Variants in TENM4 observed in about 807,000 individuals in gnomAD.
TENM4 encodes teneurin transmembrane protein 4, also known as teneurin-4.
A neutral mutation model predicts 243.3 loss-of-function variants in TENM4; 82 were observed. That is an observed-to-expected ratio of 0.34 (90% CI 0.28 to 0.40). The LOEUF is 0.40. TENM4 is among the 10% of genes least tolerant of loss of function. The pLI, the probability that TENM4 is intolerant of heterozygous loss-of-function variation, is 1.00. For synonymous variants in TENM4, 1,412 were observed against 1,456.3 expected (o/e 0.97, Z 0.69); for missense variants, 3,138 against 3,673.3 (o/e 0.85, Z 3.77).
At chr11:79,415,232 A>G (rs1261054883) in intron 1 of TENM4, among the ~76,000 whole-genome samples, 1 of 152,248 alleles carries the variant, frequency 6.6e-6, no homozygotes, top group Non-Finnish European at 1.5e-5. Flanking sequence ...CTGTGAAATT[A>G]AAGCATGTTT....
chr11:79,021,038 C>T (rs1374509854), intron 6 of TENM4, among the ~76,000 whole-genome samples: 1 of 152,222 alleles, frequency 6.6e-6, no homozygotes, highest in African/African-American at 2.4e-5. Flanking sequence ...CTTTGCATCC[C>T]TGCTGGGCCA....
chr11:79,343,469 C>CA (rs534071432), intron 1 of TENM4, among the ~76,000 whole-genome samples: 20 of 151,254 alleles, frequency 1.3e-4, no homozygotes, highest in East Asian at 3.9e-4. Context: ...ATGGGTATGA[C>CA]AAAAAAAATC....
chr11:79,002,253 T>C (rs1162327060), intron 6 of TENM4, among the ~76,000 whole-genome samples: 2 of 152,206 alleles, frequency 1.3e-5, no homozygotes, highest in Non-Finnish European at 2.9e-5. Flanking sequence ...CCAGTGCAAA[T>C]GCACACAGGA....
At chr11:78,997,323 A>T (rs1381054920) in intron 6 of TENM4, among the ~76,000 whole-genome samples, 1 of 152,208 alleles carries the variant, frequency 6.6e-6, no homozygotes, top group Non-Finnish European at 1.5e-5. Context: ...TCAGTCTCCA[A>T]AGTTTACATA....
chr11:79,148,695 A>C lies in TENM4; in HGVS notation c.-66+15T>G. 2.2e-6 allele frequency: 2 copies of C among 909,298 alleles called. No individual in the cohort carries two copies. The highest frequency in any genetic ancestry group is 2.6e-6 in the Non-Finnish European group (2 of 760,610). The allele number at this position is 909,298 out of a possible 1,614,324, so 56.3% of individuals were successfully genotyped here. On this transcript the variant is annotated intron_variant, in intron 4 of 33. Transcript: ENST00000278550. ...ATCATGAATACTCTCTGAAGTGTAA[A>C]AAAAATCAACTCACTTTTCTTTAAA...
chr11:78,976,571 A>G (rs2136602687), intron 6 of TENM4, among the ~76,000 whole-genome samples: 1 of 152,368 alleles, frequency 6.6e-6, no homozygotes, highest in South Asian at 2.1e-4. Context: ...AGATTTCTAT[A>G]AAGATTTGTG....
At chr11:78,872,748 T>A (rs191638492) in intron 9 of TENM4, among the ~76,000 whole-genome samples, 1 of 152,338 alleles carries the variant, frequency 6.6e-6, no homozygotes, top group South Asian at 2.1e-4. Flanking sequence ...TTTCCATAGC[T>A]ACAAGAAAAT....
Position 78,914,319 on chromosome 11 carries a change from A to G in TENM4, c.494-10796T>C, listed in dbSNP as rs554967895. Among the ~76,000 whole-genome samples, 17 of 152,334 alleles carry G rather than the reference A, an allele frequency of 1.1e-4. No individual in the cohort carries two copies. In the South Asian group the frequency reaches 3.5e-3, roughly 32 times the overall value. On this transcript the variant is annotated intron_variant, in intron 6 of 33. Coordinates refer to ENST00000278550, the MANE Select transcript of TENM4 (RefSeq NM_001098816.3). Reference sequence around the variant, plus strand: ...TCTTGGAAAGAAGGAAATAGCGAGAATACTACTGCTGCCTTCAAACTGCCA... The same window carrying G: ...TCTTGGAAAGAAGGAAATAGCGAGAGTACTACTGCTGCCTTCAAACTGCCA...
chr11:79,122,698 T>C (rs1861767558), intron 4 of TENM4, among the ~76,000 whole-genome samples: 1 of 152,156 alleles, frequency 6.6e-6, no homozygotes, highest in Non-Finnish European at 1.5e-5. Flanking sequence ...ACTGCCTCCA[T>C]GATCAGATCC....
intron 1 of TENM4, among the ~76,000 whole-genome samples, chr11:79,432,203 A>G (rs1181235990): frequency 6.6e-6 from 1 of 152,134 alleles, no homozygotes; most frequent in Non-Finnish European, 1.5e-5. Context: ...AATTCCACCT[A>G]CTTCTACCAC....
At chr11:79,019,707 A>G (rs1419779634) in intron 6 of TENM4, among the ~76,000 whole-genome samples, 5 of 152,220 alleles carry the variant, frequency 3.3e-5, no homozygotes, top group Non-Finnish European at 7.3e-5. Flanking sequence ...GGCAAATAAG[A>G]TGCCATCATT....
In TENM4 at chr11:79,170,345, C is replaced by T. The variant is rs575549244; in HGVS notation, c.-162-21539G>A. On this transcript the variant is annotated intron_variant, in intron 3 of 33. Coordinates refer to ENST00000278550, the MANE Select transcript of TENM4 (RefSeq NM_001098816.3). ...GCAGTAACCACAGCAGTGGATTGAA[C>T]AATAACAGAGACTTTCCATACTTGA... 1.9e-3 allele frequency among the ~76,000 whole-genome samples: 287 copies of T among 152,284 alleles called. 1 individual carries two copies. The highest frequency in any genetic ancestry group is 5.7e-3 in the African/African-American group (236 of 41,556).
intron 4 of TENM4, among the ~76,000 whole-genome samples, chr11:79,126,285 A>G (rs1233517716): frequency 6.6e-6 from 1 of 152,204 alleles, no homozygotes; most frequent in Admixed American, 6.5e-5. Context: ...TTCAAAAGAT[A>G]TACCCTTGAC....
At chr11:79,341,372 C>T (rs1396158550) in intron 1 of TENM4, among the ~76,000 whole-genome samples, 2 of 152,184 alleles carry the variant, frequency 1.3e-5, no homozygotes, top group East Asian at 1.9e-4. Context: ...ATCCAGTGCC[C>T]TCCACGTGCC....
intron 18 of TENM4, among the ~76,000 whole-genome samples, chr11:78,760,770 A>G (rs1184695348): frequency 6.6e-6 from 1 of 152,246 alleles, no homozygotes; most frequent in African/African-American, 2.4e-5. Flanking sequence ...AGGATCTTCT[A>G]GCTTTCATGT....
intron 1 of TENM4, among the ~76,000 whole-genome samples, chr11:79,386,187 C>T (rs7120580): frequency 7.7e-4 from 117 of 152,024 alleles, no homozygotes; most frequent in Middle Eastern, 3.4e-3. Context: ...TTACAATAGA[C>T]GTTGTTAGGT....
chr11:78,926,754 G>A (rs989940753), intron 6 of TENM4, among the ~76,000 whole-genome samples: 9 of 151,416 alleles, frequency 5.9e-5, no homozygotes, highest in Admixed American at 2.6e-4. Context: ...TTTGAAAAAG[G>A]ACACAGTAAA....
intron 1 of TENM4, among the ~76,000 whole-genome samples, chr11:79,409,570 G>C (rs189328138): frequency 1.3e-5 from 2 of 152,226 alleles, no homozygotes; most frequent in South Asian, 2.1e-4. Flanking sequence ...TAGCCCCCCC[G>C]GAACCATTCT....
chr11:78,698,768 T>C (rs1859034264), intron 28 of TENM4, among the ~76,000 whole-genome samples: 1 of 152,238 alleles, frequency 6.6e-6, no homozygotes, highest in Non-Finnish European at 1.5e-5. Flanking sequence ...TGGTTGAGAC[T>C]TGGGTCTGGA....
Sources: allele counts gnomAD v4.1 joint callset (sites outside exome capture counted in the v4.1 genomes callset), GRCh38; gene constraint gnomAD v4.1.1; transcripts MANE v1.5; gene names NCBI Gene and HGNC (gene_info 2026-07-23, HGNC 2026-07-21).